Variants in LMTK2 observed in about 807,000 individuals in gnomAD.
LMTK2 encodes the protein serine/threonine-protein kinase LMTK2.
Under a neutral mutation model 127.5 loss-of-function variants are expected in LMTK2, and 37 were observed. That is an observed-to-expected ratio of 0.29 (90% CI 0.22 to 0.38). LMTK2 has a LOEUF of 0.38. Among genes scored for constraint, LMTK2 ranks in the 10% least tolerant of loss-of-function variants. The pLI is 1.00. For missense variants in LMTK2, 1,694 were observed against 1,920.3 expected (o/e 0.88, Z 2.20); for synonymous variants, 819 against 810.1 (o/e 1.01, Z -0.19).
intron 1 of LMTK2, among the ~76,000 whole-genome samples, chr7:98,125,060 T>G (rs1796424393): frequency 6.6e-6 from 1 of 151,688 alleles, no homozygotes; most frequent in Non-Finnish European, 1.5e-5. Context: ...TCCCAGCACT[T>G]TGGGAGGCCG....
chr7:98,139,664 C>A (rs1201558454), intron 2 of LMTK2, among the ~76,000 whole-genome samples: 2 of 152,188 alleles, frequency 1.3e-5, no homozygotes, highest in Non-Finnish European at 2.9e-5. Context: ...CTCCCAACTC[C>A]ATCAATACAA....
intron 7 of LMTK2, among the ~76,000 whole-genome samples, chr7:98,175,116 T>C (rs1584281238): frequency 1.3e-5 from 2 of 152,252 alleles, no homozygotes; most frequent in Admixed American, 1.3e-4. Flanking sequence ...CATTTGATCA[T>C]TTGATGAGCA....
At chr7:98,159,523 C>A in intron 6 of LMTK2, 98 bp downstream of exon 6, 1 of 780,590 alleles carries the variant, frequency 1.3e-6, no homozygotes, top group South Asian at 1.5e-5. Flanking sequence ...GCTTTCATGT[C>A]TGTCCCCCAC....
At chr7:98,117,184 G>A (rs1287084730) in intron 1 of LMTK2, among the ~76,000 whole-genome samples, 1 of 152,210 alleles carries the variant, frequency 6.6e-6, no homozygotes, top group African/African-American at 2.4e-5. Context: ...TCTTTGCAAG[G>A]AAGTGTCTGT....
intron 1 of LMTK2, among the ~76,000 whole-genome samples, chr7:98,125,079 G>A (rs577463062): frequency 1.3e-5 from 2 of 151,754 alleles, no homozygotes; most frequent in East Asian, 2.0e-4. Context: ...CGAGGCGGGC[G>A]GATCACGAGG....
Position 98,203,718 on chromosome 7 carries a change from C to A in LMTK2, c.4240+12C>A, listed in dbSNP as rs1797743626. 1 of 1,612,642 alleles carries A rather than the reference C, an allele frequency of 6.2e-7. No homozygotes were observed. The highest frequency in any genetic ancestry group is 8.5e-7 in the Non-Finnish European group (1 of 1,179,694). On this transcript the variant is annotated intron_variant, in intron 12 of 13. Transcript: ENST00000297293. ...CACCGACGAAGAAGGTATTTCACGT[C>A]ATTGTCTAGTTTTAAAGGAAACTGA...
intron 6 of LMTK2, among the ~76,000 whole-genome samples, chr7:98,162,860 C>T (rs1224096513): frequency 6.6e-6 from 1 of 152,202 alleles, no homozygotes; most frequent in African/African-American, 2.4e-5. Flanking sequence ...CCACTATTCA[C>T]AGTAGCTGGG....
chr7:98,156,382 G>A (rs929822512), intron 5 of LMTK2, among the ~76,000 whole-genome samples: 1 of 151,734 alleles, frequency 6.6e-6, no homozygotes, highest in Non-Finnish European at 1.5e-5. Flanking sequence ...GGAAAATGGC[G>A]TGAACCTGGG....
intron 3 of LMTK2, among the ~76,000 whole-genome samples, chr7:98,150,785 A>G (rs1376578700): frequency 6.6e-6 from 1 of 152,252 alleles, no homozygotes; most frequent in Non-Finnish European, 1.5e-5. Context: ...TTCTGGTTGC[A>G]TAACATTTTA....
chr7:98,114,527 G>A (rs919510406), intron 1 of LMTK2, among the ~76,000 whole-genome samples: 3 of 152,150 alleles, frequency 2.0e-5, no homozygotes, highest in African/African-American at 7.2e-5. Flanking sequence ...TTACAGGCAT[G>A]AGCCACTGCA....
At chr7:98,177,778 A>G (rs1277388907) in intron 7 of LMTK2, among the ~76,000 whole-genome samples, 2 of 152,254 alleles carry the variant, frequency 1.3e-5, no homozygotes, top group African/African-American at 2.4e-5. Context: ...CACAGCAGGC[A>G]CTCAGTAAAT....
Position 98,194,709 on chromosome 7 carries a change from GGGTT to G in LMTK2, c.4107+142_4107+145del, listed in dbSNP as rs1186896672. ...GTGATTACTCACAAAAAGTAATTTG[GGGTT>G]GGTTAGAGTTCTAAGAATATGCAGA... On this transcript the variant is annotated intron_variant, in intron 11 of 13. Transcript: ENST00000297293. This position sits in a 1 kb window ranked among gnomAD's most constrained non-coding sequence, Gnocchi z 5.4. 2.6e-6 allele frequency: 2 copies of G among 770,726 alleles called. No homozygotes were observed. Among genetic ancestry groups the G allele is most frequent in the Non-Finnish European group, 4.1e-6 (2 of 493,132 alleles). The allele number at this position is 770,726 out of a possible 1,614,324, so 47.7% of individuals were successfully genotyped here. A position where few individuals can be genotyped will look rare whatever the true frequency, so the allele number is the denominator to read the frequency against.
chr7:98,161,116 T>G (rs1036602636), intron 6 of LMTK2, among the ~76,000 whole-genome samples: 5 of 152,326 alleles, frequency 3.3e-5, no homozygotes, highest in Admixed American at 3.3e-4. Flanking sequence ...TTTGGTATTC[T>G]TTTTTGTACC....
chr7:98,149,850 C>T lies in LMTK2; in HGVS notation c.377-1532C>T, dbSNP rs182806337. Among the ~76,000 whole-genome samples the T allele has an allele frequency of 1.2e-4, 18 of 152,072 alleles. No individual in the cohort carries two copies. In the East Asian group the frequency reaches 1.5e-3, roughly 13 times the overall value. ...GTGTTAAGAGAATGAAAAGTCTAGC[C>T]GTGGACTGGGAGAAAACATTTGCAG... is the stretch of plus-strand genomic sequence containing the variant. On this transcript the variant is annotated intron_variant, in intron 3 of 13. Coordinates refer to ENST00000297293, the MANE Select transcript of LMTK2 (RefSeq NM_014916.4).
intron 7 of LMTK2, among the ~76,000 whole-genome samples, chr7:98,172,076 T>C (rs1797200981): frequency 1.3e-5 from 2 of 152,010 alleles, no homozygotes; most frequent in Admixed American, 1.3e-4. Context: ...GAAGAGAGAA[T>C]CTCTAGGCCA....
At chr7:98,198,363 G>C (rs1797661481) in intron 11 of LMTK2, among the ~76,000 whole-genome samples, 1 of 151,886 alleles carries the variant, frequency 6.6e-6, no homozygotes, top group South Asian at 2.1e-4. Flanking sequence ...GCTAATTTTT[G>C]TATTTTTAGT....
intron 6 of LMTK2, among the ~76,000 whole-genome samples, chr7:98,169,171 A>G (rs1797148607): frequency 6.6e-6 from 1 of 152,232 alleles, no homozygotes; most frequent in Non-Finnish European, 1.5e-5. Context: ...ATCCATGACA[A>G]GTCTCAACCA....
At chr7:98,135,431 G>T (rs574117016) in intron 1 of LMTK2, among the ~76,000 whole-genome samples, 1 of 152,052 alleles carries the variant, frequency 6.6e-6, no homozygotes, top group South Asian at 2.1e-4. Context: ...TCCCACTCAG[G>T]CTCCTGAGTG....
chr7:98,205,332 C>G, intron 13 of LMTK2, 132 bp from the exon 14 acceptor site: 3 of 1,014,338 alleles, frequency 3.0e-6, no homozygotes, highest in Non-Finnish European at 3.0e-6. Flanking sequence ...ACAGGAAGGG[C>G]GGCTCAGGCG....
Sources: allele counts gnomAD v4.1 joint callset (sites outside exome capture counted in the v4.1 genomes callset), GRCh38; gene constraint gnomAD v4.1.1; non-coding constraint Gnocchi (gnomAD v3.1); transcripts MANE v1.5; gene names NCBI Gene and HGNC (gene_info 2026-07-23, HGNC 2026-07-21).